L3MBTL4: variants seen among roughly 807,000 people sequenced by gnomAD.
L3MBTL4 encodes lethal(3)malignant brain tumor-like protein 4.
A neutral mutation model predicts 84.5 loss-of-function variants in L3MBTL4; 70 were observed. That is an observed-to-expected ratio of 0.83 (90% CI 0.68 to 1.01). The LOEUF is 1.01. Ranked by LOEUF, L3MBTL4 falls within the 50% of genes least tolerant of loss-of-function variation. The pLI is 0.00. For synonymous variants in L3MBTL4, 274 were observed against 259.8 expected (o/e 1.05, Z -0.52); for missense variants, 715 against 754.8 (o/e 0.95, Z 0.62).
intron 5 of L3MBTL4, among the ~76,000 whole-genome samples, chr18:6,251,461 C>T (rs563142396): frequency 3.9e-5 from 6 of 152,142 alleles, no homozygotes; most frequent in African/African-American, 1.2e-4. Context: ...TTTAACATTG[C>T]GCCAGATACT....
chr18:6,309,678 T>C (rs2050741670), intron 3 of L3MBTL4, among the ~76,000 whole-genome samples: 1 of 152,102 alleles, frequency 6.6e-6, no homozygotes, highest in African/African-American at 2.4e-5. Context: ...AGAAACTGAG[T>C]TGGTCTTTAA....
chr18:6,209,777 G>C (rs780815689), intron 12 of L3MBTL4, among the ~76,000 whole-genome samples: 8 of 152,022 alleles, frequency 5.3e-5, no homozygotes, highest in Non-Finnish European at 8.8e-5. Flanking sequence ...AATAAAATGT[G>C]GTATATCCAT....
At chr18:6,195,893 T>G (rs962531884) in intron 12 of L3MBTL4, among the ~76,000 whole-genome samples, 3 of 152,138 alleles carry the variant, frequency 2.0e-5, no homozygotes, top group Non-Finnish European at 4.4e-5. Flanking sequence ...TGGTGGACAC[T>G]TGAGCAGACG....
chr18:5,958,412 C>A (rs928170903), intron 18 of L3MBTL4, among the ~76,000 whole-genome samples: 6 of 152,192 alleles, frequency 3.9e-5, no homozygotes, highest in Admixed American at 3.3e-4. Context: ...TACATCCATA[C>A]CCTGACCTGG....
intron 16 of L3MBTL4, among the ~76,000 whole-genome samples, chr18:6,015,624 G>T (rs926907956): frequency 1.3e-5 from 2 of 152,148 alleles, no homozygotes; most frequent in Non-Finnish European, 2.9e-5. Context: ...AATTGTAAAA[G>T]AAATAAACTA....
intron 14 of L3MBTL4, among the ~76,000 whole-genome samples, chr18:6,121,664 TAAC>T (rs2059530997): frequency 6.6e-6 from 1 of 151,516 alleles, no homozygotes; most frequent in African/African-American, 2.4e-5. Flanking sequence ...AAATAAATCA[TAAC>T]AACTAGCATT....
intron 12 of L3MBTL4, among the ~76,000 whole-genome samples, chr18:6,180,307 G>GAT (rs35378006): frequency 6.6e-6 from 1 of 151,250 alleles, no homozygotes; most frequent in Non-Finnish European, 1.5e-5. Context: ...AGGCTACTGA[G>GAT]ACAGGGATTA....
intron 13 of L3MBTL4, among the ~76,000 whole-genome samples, chr18:6,157,073 C>T (rs4239325): frequency 0.92 from 140,825 of 152,296 alleles, 65,185 homozygotes; most frequent in East Asian, 1. Context: ...CATTTTGAAA[C>T]GTATTATTTT....
At chr18:6,322,390 T>A (rs1599633230) in intron 1 of L3MBTL4, among the ~76,000 whole-genome samples, 26 of 99,624 alleles carry the variant, frequency 2.6e-4, no homozygotes, top group African/African-American at 2.8e-4. Context: ...AGAAAGAAAA[T>A]GAAAGGAAAG....
intron 1 of L3MBTL4, among the ~76,000 whole-genome samples, chr18:6,318,864 T>C (rs992813119): frequency 1.3e-5 from 2 of 152,126 alleles, no homozygotes; most frequent in African/African-American, 2.4e-5. Context: ...TTCTCCAAGA[T>C]AGACCATATA....
At chr18:6,123,612 TTCTTTATAAATTA>T (rs1473617046) in intron 14 of L3MBTL4, among the ~76,000 whole-genome samples, 1 of 152,214 alleles carries the variant, frequency 6.6e-6, no homozygotes, top group Non-Finnish European at 1.5e-5. Flanking sequence ...AAACCTCCTT[TTCTTTATAAATTA>T]TCCAGTCTTT....
chr18:6,036,602 C>CT (rs2056152354), intron 16 of L3MBTL4, among the ~76,000 whole-genome samples: 1 of 152,112 alleles, frequency 6.6e-6, no homozygotes, highest in Non-Finnish European at 1.5e-5. Flanking sequence ...TCATCAGGCT[C>CT]TTTTTCAGGC....
chr18:5,956,388 C>T lies in L3MBTL4; in HGVS notation c.1678-1G>A. ...GCAGGAAGGCTTTGCCATCGATCTG[C>T]TGCAAATACATAAATAGACACAAAT... On this transcript the variant is annotated splice_acceptor_variant, in intron 18 of 18. Coordinates refer to ENST00000317931, the MANE Select transcript of L3MBTL4 (RefSeq NM_001330559.2). LOFTEE classifies it high-confidence loss of function. 2 of 1,613,356 alleles carry T rather than the reference C, an allele frequency of 1.2e-6. No homozygotes were observed. Among genetic ancestry groups the T allele is most frequent in the Non-Finnish European group, 1.7e-6 (2 of 1,179,698 alleles).
chr18:6,285,049 G>A (rs2049505453), intron 4 of L3MBTL4, among the ~76,000 whole-genome samples: 2 of 152,258 alleles, frequency 1.3e-5, no homozygotes, highest in African/African-American at 4.8e-5. Flanking sequence ...TCCAGTTTCC[G>A]GAGGGCGTCG....
intron 1 of L3MBTL4, among the ~76,000 whole-genome samples, chr18:6,358,963 T>G (rs2053563168): frequency 6.6e-6 from 1 of 152,244 alleles, no homozygotes; most frequent in African/African-American, 2.4e-5. Context: ...TATGAAAATG[T>G]CTTGCAAAGA....
intron 14 of L3MBTL4, among the ~76,000 whole-genome samples, chr18:6,117,446 G>T (rs1598805412): frequency 6.6e-6 from 1 of 152,322 alleles, no homozygotes; most frequent in East Asian, 1.9e-4. Flanking sequence ...CAGAGCCACA[G>T]AACACGGCTC....
chr18:6,099,898 G>A (rs916451664), intron 14 of L3MBTL4, among the ~76,000 whole-genome samples: 1 of 151,778 alleles, frequency 6.6e-6, no homozygotes, highest in African/African-American at 2.4e-5. Flanking sequence ...CAAAGAGTTG[G>A]ATGAAATGCA....
chr18:6,392,290 C>T (rs1184679045), intron 1 of L3MBTL4, among the ~76,000 whole-genome samples: 3 of 152,138 alleles, frequency 2.0e-5, no homozygotes, highest in Non-Finnish European at 4.4e-5. Flanking sequence ...GGCTTACATC[C>T]GCAATCCCAG....
intron 16 of L3MBTL4, among the ~76,000 whole-genome samples, chr18:6,071,757 GAAAA>G (rs1278750725): frequency 6.7e-3 from 355 of 52,768 alleles, no homozygotes; most frequent in African/African-American, 0.013. Context: ...AAGAAAGAAA[GAAAA>G]AAAGAAAGAA....
Sources: gnomAD v4.1 joint callset for allele counts (sites outside exome capture counted in the v4.1 genomes callset) on GRCh38, gnomAD v4.1.1 for gene constraint, MANE v1.5 for transcripts, NCBI Gene and HGNC (gene_info 2026-07-23, HGNC 2026-07-21) for gene names.